The following ACSF2 variants were observed in gnomAD, a reference collection of about 807,000 sequenced individuals.
ACSF2 encodes acyl-CoA synthetase family member 2, also known as medium-chain acyl-CoA ligase ACSF2, mitochondrial.
In ACSF2, 52 loss-of-function variants were observed where a neutral mutation model predicts 79.3. The observed-to-expected ratio is 0.66, with a 90% confidence interval of 0.53 to 0.83. The LOEUF (loss-of-function observed/expected upper bound fraction) is 0.83. ACSF2 is among the 40% of genes least tolerant of loss of function. The pLI is 0.00. For synonymous variants in ACSF2, 283 were observed against 312.6 expected (o/e 0.91, Z 1.00); for missense variants, 661 against 803.3 (o/e 0.82, Z 2.14).
Position 50,462,571 on chromosome 17 carries a change from A to C in ACSF2, c.778A>C (p.Ile260Leu), listed in dbSNP as rs1235765912. 1 of 1,613,238 alleles carries C rather than the reference A, an allele frequency of 6.2e-7. No homozygotes were observed. Residue 260 changes from isoleucine (I) to leucine (L), a missense_variant, in exon 6 of 16, where the codon ATC (isoleucine) becomes CTC (leucine). Ile to Leu is a conservative substitution (Grantham distance 5, BLOSUM62 2). Transcript: ENST00000300441. The stretch of plus-strand genomic sequence containing the variant: ...CCTGTCCTGCCATGACCCCATCAAC[A>C]TCCAGTTCACCTCGGTAGGGCAGAG... ...QFLSCHDPIN[I>L]QFTSGTTGSP... is the part of the protein sequence containing the mutation.
intron 1 of ACSF2, among the ~76,000 whole-genome samples, chr17:50,447,595 T>C (rs1422182290): frequency 1.3e-5 from 2 of 151,914 alleles, no homozygotes; most frequent in Non-Finnish European, 2.9e-5. Context: ...ATTTCACGAG[T>C]CACACAGTTT....
rs998950261 is a variant in ACSF2 at position 50,474,322 on chromosome 17, G to A, written c.1797+55G>A. ...CAGCCTGGGCTCTGGGGCCCCATAG[G>A]GCCCCACCTCTGTTTCCTTCAGCAA... On this transcript the variant is annotated intron_variant, in intron 15 of 15. Coordinates refer to ENST00000300441, the MANE Select transcript of ACSF2 (RefSeq NM_025149.6). The surrounding 1 kb of genome is among the most constrained non-coding windows in gnomAD (Gnocchi z 4.2). The A allele has an allele frequency of 6.3e-7, 1 of 1,589,968 alleles. No individual in the cohort carries two copies.
intron 1 of ACSF2, among the ~76,000 whole-genome samples, chr17:50,443,278 G>A (rs1310127406): frequency 1.3e-5 from 2 of 152,166 alleles, no homozygotes; most frequent in African/African-American, 4.8e-5. Context: ...GAATTGCCAG[G>A]AGGCCAAACA....
chr17:50,455,919 A>G (rs529264928), intron 1 of ACSF2, among the ~76,000 whole-genome samples: 1 of 152,226 alleles, frequency 6.6e-6, no homozygotes, highest in African/African-American at 2.4e-5. Context: ...CCTTTCCATC[A>G]GCCCCTGTCG....
At chr17:50,461,048 T>A (rs1212485245) in intron 2 of ACSF2, 176 bp downstream of exon 2, 32 of 1,112,750 alleles carry the variant, frequency 2.9e-5, no homozygotes, top group Non-Finnish European at 3.7e-5. Flanking sequence ...GTCCAATGCC[T>A]CCTGTATCAG....
At chr17:50,469,075 CCCCCGAGCCCCGAG>C (rs952917061) in intron 10 of ACSF2, 2 of 1,234,926 alleles carry the variant, frequency 1.6e-6, no homozygotes, top group Admixed American at 8.6e-5. Flanking sequence ...GGGACCGTGG[CCCCCGAGCCCCGAG>C]CCCTGAGCCC....
At chr17:50,426,443 C>G (rs1029696077) in intron 1 of ACSF2, 54 bp downstream of exon 1, 2 of 1,274,958 alleles carry the variant, frequency 1.6e-6, no homozygotes, top group African/African-American at 3.1e-5. Flanking sequence ...GGGAGAGGAA[C>G]TTGGAGGTCC....
rs1217840879 is a variant in ACSF2, at chr17:50,464,164, A to G, written c.1139-54A>G. 13 of 1,551,212 alleles carry G rather than the reference A, an allele frequency of 8.4e-6. No individual in the cohort carries two copies. In the South Asian group the frequency reaches 1.1e-4, roughly 13 times the overall value. On this transcript the variant is annotated intron_variant, in intron 9 of 15. Transcript: ENST00000300441. ...CCCTGAATGAGCTGTAGGTGAAAGG[A>G]CTCCACTGGGCCTGGAGAATTGGGG... is the stretch of plus-strand genomic sequence containing the variant.
intron 9 of ACSF2, 97 bp from the exon 10 acceptor site, chr17:50,464,120 AG>A: frequency 1.4e-6 from 2 of 1,402,456 alleles, no homozygotes; most frequent in Non-Finnish European, 2.0e-6. Context: ...GGGTCAGAGG[AG>A]AAAAGGGAAT....
rs867397902 is a variant in ACSF2 at position 50,468,277 on chromosome 17, C to T, written c.1216-2751C>T. On this transcript the variant is annotated intron_variant, in intron 10 of 15. Coordinates refer to ENST00000300441, the MANE Select transcript of ACSF2 (RefSeq NM_025149.6). ...GCTGCAGGGAGCTCAACGCGTTTTC[C>T]GACAGGTAGAGCCAGCGCAGGTCCT... 13 of 1,611,420 alleles carry T rather than the reference C, an allele frequency of 8.1e-6. No individual in the cohort carries two copies. The Middle Eastern group carries it at 1.8e-3, about 225-fold the overall frequency.
At chr17:50,426,572 G>A (rs895506479) in intron 1 of ACSF2, among the ~76,000 whole-genome samples, 183 bp downstream of exon 1, 54 of 152,190 alleles carry the variant, frequency 3.5e-4, no homozygotes, top group Non-Finnish European at 1.0e-4. Flanking sequence ...TGGTGGACTT[G>A]GGTGGGGAGG....
intron 4 of ACSF2, 113 bp from the exon 5 acceptor site, chr17:50,462,071 T>G: frequency 1.2e-6 from 1 of 818,176 alleles, no homozygotes; most frequent in East Asian, 2.7e-5. Flanking sequence ...GCTGGAGGTG[T>G]GTGTGTCAGA....
intron 10 of ACSF2, chr17:50,465,388 G>A: frequency 6.2e-7 from 1 of 1,614,032 alleles, no homozygotes; most frequent in Non-Finnish European, 8.5e-7. Context: ...CCTTGAACTT[G>A]GCAGGTGAGG....
intron 2 of ACSF2, 31 bp downstream of exon 2, chr17:50,460,903 GC>G (rs1408849593): frequency 6.3e-7 from 1 of 1,585,818 alleles, no homozygotes. Flanking sequence ...CTCAAAGTGG[GC>G]AAGTACTAGC....
intron 10 of ACSF2, 100 bp from the exon 11 acceptor site, chr17:50,470,927 TC>T (rs2033087032): frequency 3.4e-6 from 3 of 894,992 alleles, no homozygotes; most frequent in African/African-American, 1.7e-5. Flanking sequence ...CCCTCCACTT[TC>T]CCTTTTCTTT....
At chr17:50,436,169 G>T (rs1445386227) in intron 1 of ACSF2, among the ~76,000 whole-genome samples, 1 of 151,632 alleles carries the variant, frequency 6.6e-6, no homozygotes, top group African/African-American at 2.4e-5. Context: ...TCGCTCTGTT[G>T]CCCAGGCTGG....
chr17:50,474,323 G>A lies in ACSF2; in HGVS notation c.1797+56G>A. The stretch of plus-strand genomic sequence containing the variant: ...AGCCTGGGCTCTGGGGCCCCATAGG[G>A]CCCCACCTCTGTTTCCTTCAGCAAT... On this transcript the variant is annotated intron_variant, in intron 15 of 15. Transcript: ENST00000300441. The surrounding 1 kb of genome is among the most constrained non-coding windows in gnomAD (Gnocchi z 4.2). The A allele has an allele frequency of 1.9e-6, 3 of 1,587,216 alleles. No individual in the cohort carries two copies. In the South Asian group the frequency reaches 3.3e-5, roughly 18 times the overall value.
Position 50,462,538 on chromosome 17 carries a change from C to G in ACSF2, c.745C>G (p.Gln249Glu). ...RQHLDQLQYN[Q>E]QFLSCHDPIN... ...GCATCTGGACCAGCTCCAATACAAC[C>G]AGCAGTTCCTGTCCTGCCATGACCC... The change falls in exon 6 of 16, where the codon CAG (glutamine) becomes GAG (glutamate). Residue 249 changes from glutamine to glutamate, a missense_variant. Physicochemically the swap from Gln to Glu is conservative, Grantham distance 29. Coordinates refer to ENST00000300441, the MANE Select transcript of ACSF2 (RefSeq NM_025149.6). The G allele has an allele frequency of 1.2e-6, 2 of 1,613,988 alleles. No homozygotes were observed. Among genetic ancestry groups the G allele is most frequent in the South Asian group, 2.2e-5 (2 of 91,070 alleles).
intron 1 of ACSF2, among the ~76,000 whole-genome samples, chr17:50,428,783 AAAAAAT>A (rs1355108657): frequency 1.3e-5 from 2 of 152,214 alleles, no homozygotes; most frequent in African/African-American, 4.8e-5. Context: ...CTTCATCTCA[AAAAAAT>A]AAAAATAAAA....
Sources: allele counts gnomAD v4.1 joint callset (sites outside exome capture counted in the v4.1 genomes callset), GRCh38; gene constraint gnomAD v4.1.1; non-coding constraint Gnocchi (gnomAD v3.1); transcripts MANE v1.5; gene names NCBI Gene and HGNC (gene_info 2026-07-23, HGNC 2026-07-21).